Variants in ACYP2 observed in about 807,000 individuals in gnomAD.
The protein encoded by ACYP2 is acylphosphatase 2.
ACYP2 carries 12 observed loss-of-function variants against 11.2 expected under a neutral mutation model. The ratio of observed to expected loss-of-function variants is 1.08; its 90% CI spans 0.69 to 1.74. ACYP2 has a LOEUF of 1.74. ACYP2 is among the 40% of genes most tolerant of loss of function. ACYP2 has a pLI of 0.00. For missense variants in ACYP2, 134 were observed against 101.9 expected, an observed-to-expected ratio of 1.31 and a Z score of -1.35; for synonymous variants, 43 against 32.2, an observed-to-expected ratio of 1.33 and a Z score of -1.13.
chr2:54,135,529 A>G, intron 5 of ACYP2, 60 bp downstream of exon 2: 1 of 1,496,484 alleles, frequency 6.7e-7, no homozygotes, highest in African/African-American at 1.4e-5. Flanking sequence ...TCCCAATTAC[A>G]GAGATAGGGC....
At chr2:54,284,742 C>T (rs1689007636) in intron 6 of ACYP2, among the ~76,000 whole-genome samples, 2 of 152,192 alleles carry the variant, frequency 1.3e-5, no homozygotes, top group Admixed American at 1.3e-4. Context: ...TTCTCACCCA[C>T]CTATTTTTCT....
chr2:54,004,616 T>C (rs1302251454), intron 2 of ACYP2, among the ~76,000 whole-genome samples: 5 of 151,396 alleles, frequency 3.3e-5, no homozygotes, highest in African/African-American at 4.9e-5. Context: ...TTCACAGTGT[T>C]AGCCAGGATG....
At chr2:54,235,843 C>G (rs1686454096) in intron 6 of ACYP2, among the ~76,000 whole-genome samples, 1 of 152,158 alleles carries the variant, frequency 6.6e-6, no homozygotes, top group African/African-American at 2.4e-5. Context: ...TCAAAACCAA[C>G]CAACCAACAA....
intron 4 of ACYP2, among the ~76,000 whole-genome samples, chr2:54,115,961 A>G (rs1472821464): frequency 6.7e-6 from 1 of 150,160 alleles, no homozygotes; most frequent in African/African-American, 2.5e-5. Context: ...GGGAATGGGG[A>G]GGGAAGTGGG....
intron 6 of ACYP2, among the ~76,000 whole-genome samples, chr2:54,278,544 C>T (rs1219516678): frequency 6.6e-6 from 1 of 152,188 alleles, no homozygotes; most frequent in South Asian, 2.1e-4. Context: ...TATGAGAATC[C>T]ATTCAGAGTC....
At chr2:54,023,089 G>C (rs941586525) in intron 2 of ACYP2, among the ~76,000 whole-genome samples, 2 of 151,964 alleles carry the variant, frequency 1.3e-5, no homozygotes, top group African/African-American at 4.8e-5. Flanking sequence ...GACCAAAAAG[G>C]GTAAAAGAAA....
chr2:54,039,736 G>A (rs1178611376), intron 2 of ACYP2, among the ~76,000 whole-genome samples: 2 of 151,964 alleles, frequency 1.3e-5, no homozygotes. Context: ...GGCTTGGAGG[G>A]TTTTTGAGCA....
At chr2:54,163,957 C>T (rs570570950) in intron 6 of ACYP2, among the ~76,000 whole-genome samples, 1 of 152,224 alleles carries the variant, frequency 6.6e-6, no homozygotes, top group South Asian at 2.1e-4. Context: ...GGATAAAGTC[C>T]TTGACCTTGA....
intron 6 of ACYP2, among the ~76,000 whole-genome samples, chr2:54,286,613 AC>A (rs1689088037): frequency 6.6e-6 from 1 of 152,136 alleles, no homozygotes; most frequent in Non-Finnish European, 1.5e-5. Context: ...CCGTTTTTAC[AC>A]TACTTTGCTC....
chr2:54,171,826 A>G (rs528964402), intron 6 of ACYP2, among the ~76,000 whole-genome samples: 1 of 152,250 alleles, frequency 6.6e-6, no homozygotes, highest in East Asian at 1.9e-4. Context: ...ATACATTTCT[A>G]ATTACAGTTC....
chr2:54,116,834 GCA>G (rs1679836793), intron 4 of ACYP2, among the ~76,000 whole-genome samples: 1 of 152,172 alleles, frequency 6.6e-6, no homozygotes, highest in Non-Finnish European at 1.5e-5. Context: ...GGGTTGGACC[GCA>G]CAGTCTAAGC....
chr2:53,975,336 C>G (rs111301109), intron 2 of ACYP2: 120 of 398,348 alleles, frequency 3.0e-4, no homozygotes, highest in African/African-American at 2.1e-3. Flanking sequence ...AAAATAAGGT[C>G]TCTTCCTCTT....
chr2:53,992,127 CCTTCTTTCTTCCTTCCTTTCTTT>C (rs1057144686), intron 2 of ACYP2, among the ~76,000 whole-genome samples: 1 of 148,884 alleles, frequency 6.7e-6, no homozygotes, highest in African/African-American at 2.5e-5. Flanking sequence ...TCCCTTTCTT[CCTTCTTTCTTCCTTCCTTTCTTT>C]CTTTCCTTCC....
chr2:54,042,273 T>C (rs1032042370), intron 2 of ACYP2, among the ~76,000 whole-genome samples: 3 of 152,230 alleles, frequency 2.0e-5, no homozygotes, highest in African/African-American at 7.2e-5. Context: ...CCCAAAGTGC[T>C]GGGATTACAG....
chr2:54,061,267 G>T (rs924597227), intron 4 of ACYP2, among the ~76,000 whole-genome samples: 2 of 152,206 alleles, frequency 1.3e-5, no homozygotes, highest in Non-Finnish European at 2.9e-5. Flanking sequence ...TTAAAAATAT[G>T]TTGGTTTTGA....
chr2:54,235,339 T>C (rs1399460318), intron 6 of ACYP2, among the ~76,000 whole-genome samples: 1 of 151,824 alleles, frequency 6.6e-6, no homozygotes, highest in Non-Finnish European at 1.5e-5. Flanking sequence ...GACTCACAAG[T>C]TTTTTTTGTT....
At chr2:54,204,268 C>G (rs1684982182) in intron 6 of ACYP2, among the ~76,000 whole-genome samples, 1 of 151,700 alleles carries the variant, frequency 6.6e-6, no homozygotes, top group South Asian at 2.1e-4. Flanking sequence ...GCTGGGATTA[C>G]TGGCATGAGC....
At chr2:54,259,476 G>A (rs1687689467) in intron 6 of ACYP2, among the ~76,000 whole-genome samples, 1 of 152,204 alleles carries the variant, frequency 6.6e-6, no homozygotes, top group African/African-American at 2.4e-5. Context: ...AGAGAGACCA[G>A]CAGGGTAGGA....
intron 2 of ACYP2, among the ~76,000 whole-genome samples, chr2:54,049,674 C>T (rs978810353): frequency 1.3e-5 from 2 of 152,204 alleles, no homozygotes; most frequent in Admixed American, 6.5e-5. Context: ...CCCCAAACAA[C>T]TATGAGTACT....
Sources: gnomAD v4.1 joint callset for allele counts (sites outside exome capture counted in the v4.1 genomes callset) on GRCh38, gnomAD v4.1.1 for gene constraint, MANE v1.5 for transcripts, NCBI Gene and HGNC (gene_info 2026-07-23, HGNC 2026-07-21) for gene names.